Variants in SPAG5 observed in about 807,000 individuals in gnomAD.
SPAG5 encodes the protein sperm-associated antigen 5.
Under a neutral mutation model 145.4 loss-of-function variants are expected in SPAG5, and 99 were observed. The ratio of observed to expected loss-of-function variants is 0.68; its 90% CI spans 0.58 to 0.80. SPAG5 has a LOEUF of 0.80. Ranked by LOEUF, SPAG5 falls within the 30% of genes least tolerant of loss-of-function variation. SPAG5 has a pLI of 0.00. For synonymous variants in SPAG5, 477 were observed against 525.4 expected (o/e 0.91, Z 1.26); for missense variants, 1,192 against 1,416.0 (o/e 0.84, Z 2.54).
chr17:28,580,330 CA>C (rs1249058103), intron 15 of SPAG5: 1 of 340,280 alleles, frequency 2.9e-6, no homozygotes, highest in East Asian at 4.4e-5. Context: ...CAAACCTAAA[CA>C]AAACAAAACA....
In SPAG5 at chr17:28,585,315, T is replaced by G; in HGVS notation, c.1953+4A>C. ...AATTAGTTATGATGGTCCCAAATAC[T>G]CACATCCAGTTGCATGGACCTCCAG... On this transcript the variant is annotated splice_donor_region_variant and intron_variant, in intron 9 of 23. Transcript: ENST00000321765. 6.2e-7 allele frequency: 1 copy of G among 1,613,738 alleles called. No homozygotes were observed. The highest frequency in any genetic ancestry group is 8.5e-7 in the Non-Finnish European group (1 of 1,179,626).
intron 4 of SPAG5, 37 bp downstream of exon 4, chr17:28,591,661 A>C (rs754936170): frequency 6.5e-7 from 1 of 1,549,648 alleles, no homozygotes; most frequent in Non-Finnish European, 8.8e-7. Flanking sequence ...AAGGATCCCC[A>C]CTGGGATCCC....
intron 2 of SPAG5, among the ~76,000 whole-genome samples, chr17:28,594,406 T>A (rs2070645456): frequency 6.6e-6 from 1 of 151,874 alleles, no homozygotes; most frequent in Non-Finnish European, 1.5e-5. Context: ...CCATCCTGGC[T>A]AACACGATGA....
chr17:28,591,936 C>T, intron 3 of SPAG5, 46 bp downstream of exon 3: 1 of 1,610,212 alleles, frequency 6.2e-7, no homozygotes, highest in Middle Eastern at 1.7e-4. Flanking sequence ...AGGGGAAGGT[C>T]CAGGGTAATG....
intron 4 of SPAG5, among the ~76,000 whole-genome samples, chr17:28,588,956 A>G (rs2070603153): frequency 6.6e-6 from 1 of 152,140 alleles, no homozygotes; most frequent in Non-Finnish European, 1.5e-5. Flanking sequence ...TGCTGGGATT[A>G]TAAGCGTGAG....
chr17:28,578,669 T>A lies in SPAG5; in HGVS notation c.3198+3A>T. 6.2e-7 allele frequency: 1 copy of A among 1,613,470 alleles called. No homozygotes were observed. The highest frequency in any genetic ancestry group is 8.5e-7 in the Non-Finnish European group (1 of 1,179,396). On this transcript the variant is annotated splice_donor_region_variant and intron_variant, in intron 20 of 23. Coordinates refer to ENST00000321765, the MANE Select transcript of SPAG5 (RefSeq NM_006461.4). Reference sequence around the variant, plus strand: ...AAAGGCCTGGGCATGATGGTGAACATACTATGAGCTCGCCACTCTTGTCTA... The same window carrying A: ...AAAGGCCTGGGCATGATGGTGAACAAACTATGAGCTCGCCACTCTTGTCTA...
At position 28,579,156 on chromosome 17, in the gene SPAG5, C is replaced by G; in HGVS notation, c.3102G>C (p.Leu1034Phe). 1 of 1,613,560 alleles carries G rather than the reference C, an allele frequency of 6.2e-7. No individual in the cohort carries two copies. The change falls in exon 19 of 24, where the codon TTG (leucine) becomes TTC (phenylalanine). Residue 1034 changes from leucine (L) to phenylalanine (F), a missense_variant. Coordinates refer to ENST00000321765, the MANE Select transcript of SPAG5 (RefSeq NM_006461.4). ...CCTCCTTCACCTTGTAGCGCAAGCA[C>G]AAGGCCTGGTTCAGCTTCTCTATGT... ...EADIEKLNQA[L>F]CLRYKNEKEL... is the part of the protein sequence containing the mutation.
At chr17:28,593,170 T>G in intron 2 of SPAG5, 104 bp from the exon 3 acceptor site, 4 of 1,327,318 alleles carry the variant, frequency 3.0e-6, no homozygotes, top group Non-Finnish European at 4.1e-6. Context: ...GAATTCTTAC[T>G]ACCTCTGCTT....
chr17:28,579,089 C>CTACT, intron 19 of SPAG5, 52 bp downstream of exon 19: 1 of 1,444,654 alleles, frequency 6.9e-7, no homozygotes, highest in Non-Finnish European at 9.7e-7. Context: ...CCCAGTGGGC[C>CTACT]AGTAGAGCTG....
At chr17:28,596,754 C>T (rs2070667885) in intron 2 of SPAG5, among the ~76,000 whole-genome samples, 1 of 152,156 alleles carries the variant, frequency 6.6e-6, no homozygotes, top group Non-Finnish European at 1.5e-5. Context: ...TATTTTTCAT[C>T]TTAAGCTGTA....
chr17:28,597,098 T>TAATTA lies in SPAG5; in HGVS notation c.177+1407_177+1411dup, dbSNP rs763507633. Among the ~76,000 whole-genome samples, 64 of 147,990 alleles carry TAATTA rather than the reference T, an allele frequency of 4.3e-4. 1 individual carries two copies. The highest frequency in any genetic ancestry group is 1.6e-3 in the African/African-American group (62 of 39,996). ...GCGAAACTCCATCTCAAAAAAAAAT[T>TAATTA]AATTAAATTAAATTAAATTAAATAT... On this transcript the variant is annotated intron_variant, in intron 2 of 23. Coordinates refer to ENST00000321765, the MANE Select transcript of SPAG5 (RefSeq NM_006461.4).
intron 15 of SPAG5, 40 bp downstream of exon 15, chr17:28,583,471 A>C: frequency 4.6e-6 from 7 of 1,526,348 alleles, no homozygotes; most frequent in Non-Finnish European, 6.1e-6. Context: ...TAAAATAAAG[A>C]TACAATTGGA....
chr17:28,587,204 G>A (rs560085206), intron 4 of SPAG5, among the ~76,000 whole-genome samples: 138 of 151,522 alleles, frequency 9.1e-4, no homozygotes, highest in Non-Finnish European at 1.3e-3. Context: ...ACTTGGGTCC[G>A]GGAGTTCAAG....
chr17:28,592,198 C>T lies in SPAG5; in HGVS notation c.1046G>A (p.Gly349Asp). 6.2e-7 allele frequency: 1 copy of T among 1,614,152 alleles called. No individual in the cohort carries two copies. Reference sequence around the variant, plus strand: ...TTCCAGCATGACGGAGGTATTTACACCTTTTTCCAGCCAGGCCAGTGGGGA... The same window carrying T: ...TTCCAGCATGACGGAGGTATTTACATCTTTTTCCAGCCAGGCCAGTGGGGA... ...WMSPLAWLEK[G>D]VNTSVMLENL... Residue 349 changes from glycine (G) to aspartate (D), a missense_variant, in exon 3 of 24, where the codon GGT (glycine) becomes GAT (aspartate). Coordinates refer to ENST00000321765, the MANE Select transcript of SPAG5 (RefSeq NM_006461.4).
chr17:28,594,651 T>C (rs918027260), intron 2 of SPAG5, among the ~76,000 whole-genome samples: 3 of 152,242 alleles, frequency 2.0e-5, no homozygotes, highest in Admixed American at 2.0e-4. Context: ...TATTAGTGGA[T>C]GAAACAAAAC....
intron 15 of SPAG5, 138 bp from the exon 16 acceptor site, chr17:28,580,258 C>T (rs1342561678): frequency 1.9e-6 from 1 of 529,250 alleles, no homozygotes; most frequent in Non-Finnish European, 3.4e-6. Context: ...TCCATTAGTG[C>T]CTTTCTCTGA....
chr17:28,586,902 G>A (rs375319758), intron 4 of SPAG5, among the ~76,000 whole-genome samples: 111 of 152,164 alleles, frequency 7.3e-4, no homozygotes, highest in Non-Finnish European at 1.0e-3. Flanking sequence ...TGAGTTATAG[G>A]AGCCTTTCCT....
intron 1 of SPAG5, 64 bp from the exon 2 acceptor site, chr17:28,598,699 C>T (rs1283876643): frequency 6.4e-7 from 1 of 1,556,210 alleles, no homozygotes; most frequent in East Asian, 2.3e-5. Flanking sequence ...GCCCGCCCCT[C>T]CTCCCTCCCT....
At position 28,598,515 on chromosome 17, in the gene SPAG5, G is replaced by GC. The variant is rs749144437; in HGVS notation, c.171dup (p.Leu58AlafsTer16). 2 of 1,613,470 alleles carry GC rather than the reference G, an allele frequency of 1.2e-6. No homozygotes were observed. The highest frequency in any genetic ancestry group is 8.5e-7 in the Non-Finnish European group (1 of 1,179,898). On this transcript the variant is annotated frameshift_variant, in exon 2 of 24. Coordinates refer to ENST00000321765, the MANE Select transcript of SPAG5 (RefSeq NM_006461.4). LOFTEE classifies it high-confidence loss of function. ...GCTGTCCAGGCGAATCTCACCTGCA[G>GC]CCCCAGCTTGCACAGTGATGGGGTC...
Sources: allele counts gnomAD v4.1 joint callset (sites outside exome capture counted in the v4.1 genomes callset), GRCh38; gene constraint gnomAD v4.1.1; transcripts MANE v1.5; gene names NCBI Gene and HGNC (gene_info 2026-07-23, HGNC 2026-07-21).